The following ZNF365 variants were observed in gnomAD, a reference collection of about 807,000 sequenced individuals.
ZNF365 encodes zinc finger protein 365.
ZNF365 carries 22 observed loss-of-function variants against 35.0 expected under a neutral mutation model. The observed-to-expected ratio is 0.63, with a 90% CI of 0.45 to 0.90. The LOEUF is 0.90. Among genes scored for constraint, ZNF365 ranks in the 40% least tolerant of loss-of-function variants. ZNF365 has a pLI of 0.00. For synonymous variants in ZNF365, 188 were observed against 196.2 expected, an observed-to-expected ratio of 0.96 and a Z score of 0.35; for missense variants, 448 against 500.3, an observed-to-expected ratio of 0.90 and a Z score of 1.00.
intron 4 of ZNF365, among the ~76,000 whole-genome samples, chr10:62,466,922 C>T (rs1840953551): frequency 6.6e-6 from 1 of 152,054 alleles, no homozygotes; most frequent in African/African-American, 2.4e-5. Flanking sequence ...TTGTCTCAGC[C>T]CCCTGAGTAT....
At chr10:62,452,875 A>G (rs1171863753) in intron 3 of ZNF365, among the ~76,000 whole-genome samples, 3 of 152,272 alleles carry the variant, frequency 2.0e-5, no homozygotes, top group African/African-American at 4.8e-5. Context: ...GGCAGGCCCA[A>G]GGTCCCTTGA....
At chr10:62,469,222 C>G (rs188449540) in intron 4 of ZNF365, among the ~76,000 whole-genome samples, 1 of 152,282 alleles carries the variant, frequency 6.6e-6, no homozygotes, top group East Asian at 1.9e-4. Flanking sequence ...AGAAAAATGT[C>G]TAGGAAAGCT....
chr10:62,429,934 A>G lies in ZNF365; in HGVS notation c.925-29807A>G, dbSNP rs942476201. Among the ~76,000 whole-genome samples, 4 of 152,334 alleles carry G rather than the reference A, an allele frequency of 2.6e-5. No homozygotes were observed. The East Asian group carries it at 7.7e-4, about 29-fold the overall frequency. On this transcript the variant is annotated intron_variant, in intron 3 of 4. Coordinates refer to the ZNF365 transcript ENST00000395255. The stretch of plus-strand genomic sequence containing the variant: ...AGCATAAAATTATCCCAAATACCAG[A>G]AACGGTGACAGTTAACATAAAAATA...
intron 4 of ZNF365, among the ~76,000 whole-genome samples, chr10:62,460,853 C>T (rs1456998578): frequency 6.6e-6 from 1 of 152,140 alleles, no homozygotes; most frequent in Non-Finnish European, 1.5e-5. Context: ...TCCACAAACT[C>T]AGATGCCCAT....
In ZNF365 at chr10:62,401,667, C is replaced by A; in HGVS notation, c.*1878C>A. 8.1e-6 allele frequency: 8 copies of A among 985,486 alleles called. No homozygotes were observed. The highest frequency in any genetic ancestry group is 9.6e-6 in the Non-Finnish European group (8 of 829,876). 61.0% of individuals were successfully genotyped at this position (985,486 alleles called of 1,614,324 possible). ...ATTGATGCTTATACCATGATTGCACCTTAGCCTTTTACATACTAAAAACAT... is the reference window on the plus strand; with the variant it reads ...ATTGATGCTTATACCATGATTGCACATTAGCCTTTTACATACTAAAAACAT... On this transcript the variant is annotated 3_prime_UTR_variant, in exon 5 of 5. Transcript: ENST00000395254.
chr10:62,383,833 T>G (rs1449909741), intron 2 of ZNF365, among the ~76,000 whole-genome samples: 3 of 152,232 alleles, frequency 2.0e-5, no homozygotes, highest in Admixed American at 1.3e-4. Flanking sequence ...ATGGTCATCC[T>G]GTAAATTAAT....
chr10:62,432,006 A>C lies in ZNF365; in HGVS notation c.925-27735A>C, dbSNP rs1190525083. Among the ~76,000 whole-genome samples the C allele has an allele frequency of 2.0e-5, 3 of 152,214 alleles. No individual in the cohort carries two copies. The East Asian group carries it at 5.8e-4, about 29-fold the overall frequency. On this transcript the variant is annotated intron_variant, in intron 3 of 4. Transcript: ENST00000395255. ...TTGGTCACAAAAACATACTGTGAGC[A>C]TGGGCAAATCACTTTTTGGGATCCC... is the stretch of plus-strand genomic sequence containing the variant.
intron 3 of ZNF365, among the ~76,000 whole-genome samples, chr10:62,428,510 C>G (rs1840284068): frequency 6.7e-6 from 1 of 150,372 alleles, no homozygotes; most frequent in Non-Finnish European, 1.5e-5. Context: ...GTTTGCTTCC[C>G]CTTCAGCCAT....
At chr10:62,425,404 C>G (rs780935538) in intron 3 of ZNF365, among the ~76,000 whole-genome samples, 3 of 152,058 alleles carry the variant, frequency 2.0e-5, no homozygotes, top group African/African-American at 4.8e-5. Flanking sequence ...AATATATATG[C>G]TAGGCAAGGG....
chr10:62,400,396 T>C lies in ZNF365; in HGVS notation c.*607T>C, dbSNP rs1839806887. On this transcript the variant is annotated 3_prime_UTR_variant, in exon 5 of 5. Coordinates refer to ENST00000395254, the MANE Select transcript of ZNF365 (RefSeq NM_014951.3). ...TCAGTTCTCATTCCGACAGGGTGTC[T>C]TTCAGTTCGTTTGTTTGATTGAGGT... 1.0e-6 allele frequency: 1 copy of C among 986,042 alleles called. No individual in the cohort carries two copies. Among genetic ancestry groups the C allele is most frequent in the Admixed American group, 6.1e-5 (1 of 16,282 alleles). 61.1% of individuals were successfully genotyped at this position (986,042 alleles called of 1,614,324 possible).
At chr10:62,390,925 G>A (rs1449387876) in intron 3 of ZNF365, among the ~76,000 whole-genome samples, 1 of 152,188 alleles carries the variant, frequency 6.6e-6, no homozygotes, top group Admixed American at 6.5e-5. Flanking sequence ...GCTGTATAGG[G>A]CATTTACCAT....
At chr10:62,386,221 C>G (rs1368038525) in intron 2 of ZNF365, among the ~76,000 whole-genome samples, 1 of 152,142 alleles carries the variant, frequency 6.6e-6, no homozygotes, top group East Asian at 1.9e-4. Context: ...GGAAGCAGAT[C>G]AAAGTGAATG....
Position 62,376,427 on chromosome 10 carries a change from A to G in ZNF365, c.234A>G (p.Glu78=), listed in dbSNP as rs1259496613. The G allele has an allele frequency of 6.2e-7, 1 of 1,614,120 alleles. No homozygotes were observed. The highest frequency in any genetic ancestry group is 1.1e-5 in the South Asian group (1 of 91,082). ...LKDTDLVTSS[E]LLKPGKLQSS... ...ACACAGACCTAGTCACTTCCTCAGA[A>G]CTCCTGAAACCGGGAAAATTGCAGA... The change falls in exon 2 of 5, where the codon GAA becomes GAG. Residue 78 remains glutamate (E), a synonymous_variant. Coordinates refer to ENST00000395254, the MANE Select transcript of ZNF365 (RefSeq NM_014951.3).
intron 3 of ZNF365, among the ~76,000 whole-genome samples, chr10:62,392,597 A>G (rs1409274667): frequency 5.7e-5 from 8 of 139,728 alleles, no homozygotes; most frequent in Admixed American, 4.5e-4. Context: ...CCATTGGTCT[A>G]TGTGCCGTTT....
chr10:62,466,249 C>T (rs1840941842), intron 4 of ZNF365, among the ~76,000 whole-genome samples: 1 of 152,230 alleles, frequency 6.6e-6, no homozygotes, highest in Admixed American at 6.5e-5. Flanking sequence ...GGTGCCACTG[C>T]ATTCCCCTTG....
Position 62,376,641 on chromosome 10 carries a change from A to G in ZNF365, c.448A>G (p.Thr150Ala). 6.2e-7 allele frequency: 1 copy of G among 1,614,140 alleles called. No individual in the cohort carries two copies. The highest frequency in any genetic ancestry group is 8.5e-7 in the Non-Finnish European group (1 of 1,180,026). The stretch of plus-strand genomic sequence containing the variant: ...GACACGGTCGGGTCCTGGACTGCCC[A>G]CCTCAGACACCAAAGCTTCTTTCGA... ...DGTRSGPGLP[T>A]SDTKASFEAH... The change falls in exon 2 of 5, where the codon ACC (threonine) becomes GCC (alanine). Residue 150 changes from threonine to alanine, a missense_variant. Physicochemically the swap from Thr to Ala is moderately conservative, Grantham distance 58. Coordinates refer to ENST00000395254, the MANE Select transcript of ZNF365 (RefSeq NM_014951.3).
At chr10:62,473,669 C>G (rs1841081102) in intron 4 of ZNF365, among the ~76,000 whole-genome samples, 1 of 151,914 alleles carries the variant, frequency 6.6e-6, no homozygotes, top group African/African-American at 2.4e-5. Flanking sequence ...TAGAACCATG[C>G]CTGGCACATA....
At chr10:62,403,294 T>C (rs1011698271), downstream of ZNF365, among the ~76,000 whole-genome samples, 1 of 152,114 alleles carries the variant, frequency 6.6e-6, no homozygotes, top group Non-Finnish European at 1.5e-5. Flanking sequence ...GTCTTCACGT[T>C]GGGTGGGCTG....
chr10:62,446,511 T>A (rs535757004), intron 3 of ZNF365, among the ~76,000 whole-genome samples: 3 of 152,204 alleles, frequency 2.0e-5, no homozygotes, highest in Non-Finnish European at 2.9e-5. Flanking sequence ...CTAGCTGATG[T>A]TATCATTATT....
Sources: gnomAD v4.1 joint callset for allele counts (sites outside exome capture counted in the v4.1 genomes callset) on GRCh38, gnomAD v4.1.1 for gene constraint, MANE v1.5 for transcripts, NCBI Gene and HGNC (gene_info 2026-07-23, HGNC 2026-07-21) for gene names.